Variants in MAPK6 observed in about 807,000 individuals in gnomAD.
MAPK6 encodes the protein ERK-3.
In MAPK6, 19 loss-of-function variants were observed where a neutral mutation model predicts 59.3. The observed-to-expected ratio is 0.32, with a 90% CI of 0.22 to 0.47. The LOEUF (loss-of-function observed/expected upper bound fraction) is 0.47. MAPK6 is among the 20% of genes least tolerant of loss of function. The pLI is 1.00. For synonymous variants in MAPK6, 316 were observed against 290.3 expected, an observed-to-expected ratio of 1.09 and a Z score of -0.90; for missense variants, 724 against 847.9, an observed-to-expected ratio of 0.85 and a Z score of 1.81.
rs1227425730 is a variant in MAPK6 at position 52,061,640 on chromosome 15, G to T, written c.1067+140G>T. ...ATGTAAAGATACAAAAATTAGTCAG[G>T]TGTGGTGGCAGGCGCCTGTAGTCCT... On this transcript the variant is annotated intron_variant, in intron 5 of 5. Transcript: ENST00000261845. 4 of 694,030 alleles carry T rather than the reference G, an allele frequency of 5.8e-6. No homozygotes were observed. The East Asian group carries it at 1.1e-4, about 19-fold the overall frequency. The allele number at this position is 694,030 out of a possible 1,614,324, so 43.0% of individuals were successfully genotyped here.
At chr15:52,063,266 T>C (rs558408478) in intron 5 of MAPK6, among the ~76,000 whole-genome samples, 165 of 152,310 alleles carry the variant, frequency 1.1e-3, no homozygotes, top group African/African-American at 3.6e-3. Flanking sequence ...TTTCACCATG[T>C]TGGCCAGGCT....
chr15:52,022,235 G>A (rs2030564276), intron 1 of MAPK6, among the ~76,000 whole-genome samples: 1 of 152,154 alleles, frequency 6.6e-6, no homozygotes. Context: ...TTTTCCAAAG[G>A]GATTTGAGGA....
intron 1 of MAPK6, among the ~76,000 whole-genome samples, chr15:51,978,099 A>G (rs1310980108): frequency 6.6e-6 from 1 of 151,592 alleles, no homozygotes; most frequent in Non-Finnish European, 1.5e-5. Context: ...GAAAACCAAC[A>G]ATGGAAAGAA....
intron 1 of MAPK6, chr15:52,042,829 A>T (rs546458453): frequency 1.3e-5 from 2 of 152,362 alleles, no homozygotes; most frequent in South Asian, 4.1e-4. Context: ...CGTTAAGGCA[A>T]GAAGGTAAGC....
chr15:51,993,775 CTCTTTTCTT>C (rs1035320519), intron 2 of MAPK6, among the ~76,000 whole-genome samples: 3 of 150,710 alleles, frequency 2.0e-5, no homozygotes, highest in African/African-American at 7.3e-5. Context: ...ATCTTGGTTT[CTCTTTTCTT>C]TCTTTTCTTT....
At chr15:52,035,357 C>T (rs989862144) in intron 1 of MAPK6, among the ~76,000 whole-genome samples, 4 of 152,102 alleles carry the variant, frequency 2.6e-5, no homozygotes, top group Admixed American at 6.6e-5. Flanking sequence ...CCATAGGGGG[C>T]CGGGCAGTGG....
chr15:51,975,732 C>G (rs2141799749), intron 1 of MAPK6, among the ~76,000 whole-genome samples: 1 of 151,806 alleles, frequency 6.6e-6, no homozygotes, highest in Admixed American at 6.6e-5. Context: ...TTTCTGAGCA[C>G]TTTGTGGAAG....
upstream of MAPK6, among the ~76,000 whole-genome samples, chr15:52,016,062 G>GCACACACA (rs1299801695): frequency 7.9e-4 from 47 of 59,144 alleles, no homozygotes; most frequent in Non-Finnish European, 9.5e-4. Context: ...TCGCGCGCGC[G>GCACACACA]CGCGCGCGCA....
intron 1 of MAPK6, among the ~76,000 whole-genome samples, chr15:51,982,246 C>T (rs1443269183): frequency 6.6e-6 from 1 of 152,198 alleles, no homozygotes; most frequent in African/African-American, 2.4e-5. Flanking sequence ...CGTGTGAGAA[C>T]ACAGCATAAC....
intron 2 of MAPK6, among the ~76,000 whole-genome samples, chr15:51,983,396 T>C (rs533352383): frequency 7.2e-5 from 11 of 152,198 alleles, no homozygotes; most frequent in African/African-American, 2.4e-4. Context: ...GGAGAATCAC[T>C]TGGACCCAGG....
upstream of MAPK6, among the ~76,000 whole-genome samples, chr15:52,015,479 ATTTTTT>A (rs563240004): frequency 2.2e-5 from 3 of 134,842 alleles, no homozygotes; most frequent in Non-Finnish European, 4.9e-5. Context: ...ACAGAATGGG[ATTTTTT>A]TTTTTTTTTT....
intron 1 of MAPK6, among the ~76,000 whole-genome samples, chr15:52,025,416 G>T (rs1162074873): frequency 1.3e-5 from 2 of 152,228 alleles, no homozygotes; most frequent in Non-Finnish European, 2.9e-5. Context: ...GTGCTATCCA[G>T]TGAGGTAGCC....
chr15:51,976,107 A>T (rs1288718913), intron 1 of MAPK6, among the ~76,000 whole-genome samples: 1 of 151,210 alleles, frequency 6.6e-6, no homozygotes, highest in African/African-American at 2.4e-5. Context: ...TGTACTAAAA[A>T]TATAAAAAAT....
chr15:52,014,703 T>TAAAAAAAAAAAAAAAAAAAAAAAAAAAAA (rs796259080), upstream of MAPK6, among the ~76,000 whole-genome samples: 1 of 119,460 alleles, frequency 8.4e-6, no homozygotes, highest in Non-Finnish European at 1.7e-5. Context: ...TGAGATTTTC[T>TAAAAAAAAAAAAAAAAAAAAAAAAAAAAA]AAAAAAAAAA....
At chr15:51,998,545 A>ATG (rs1324695413) in intron 2 of MAPK6, among the ~76,000 whole-genome samples, 61 of 136,190 alleles carry the variant, frequency 4.5e-4, no homozygotes, top group African/African-American at 1.7e-3. Context: ...TTTTTGAGGC[A>ATG]GAGTCTCACT....
chr15:51,979,154 G>A (rs556619381), intron 1 of MAPK6, among the ~76,000 whole-genome samples: 34 of 143,932 alleles, frequency 2.4e-4, no homozygotes, highest in Non-Finnish European at 3.5e-4. Context: ...AGGGAGGGAA[G>A]GAAGAGAAGG....
At chr15:52,029,757 T>C (rs991620868) in intron 1 of MAPK6, among the ~76,000 whole-genome samples, 4 of 152,198 alleles carry the variant, frequency 2.6e-5, no homozygotes, top group Admixed American at 1.3e-4. Context: ...CTTAAATCTG[T>C]TTATTCAATT....
intron 1 of MAPK6, among the ~76,000 whole-genome samples, chr15:51,977,161 C>G (rs1170196869): frequency 1.3e-5 from 2 of 151,166 alleles, no homozygotes; most frequent in African/African-American, 4.8e-5. Context: ...CACCACCACG[C>G]CCGGCTAATT....
intron 2 of MAPK6, among the ~76,000 whole-genome samples, chr15:51,996,174 C>T (rs1566895540): frequency 6.6e-6 from 1 of 152,176 alleles, no homozygotes; most frequent in Non-Finnish European, 1.5e-5. Flanking sequence ...AGCAGATCCT[C>T]AGAGCACTGA....
Sources: allele counts gnomAD v4.1 joint callset (sites outside exome capture counted in the v4.1 genomes callset), GRCh38; gene constraint gnomAD v4.1.1; transcripts MANE v1.5; gene names NCBI Gene and HGNC (gene_info 2026-07-23, HGNC 2026-07-21).